RUNX2: variants seen among roughly 807,000 people sequenced by gnomAD.
RUNX2 encodes RUNX family transcription factor 2.
RUNX2 carries 10 observed loss-of-function variants against 51.7 expected under a neutral mutation model. The ratio of observed to expected loss-of-function variants is 0.19; its 90% CI spans 0.12 to 0.33. The LOEUF is 0.33. Among genes scored for constraint, RUNX2 ranks in the 10% least tolerant of loss-of-function variants. The pLI is 1.00. For synonymous variants in RUNX2, 276 were observed against 273.6 expected, an observed-to-expected ratio of 1.01 and a Z score of -0.09; for missense variants, 562 against 691.3, an observed-to-expected ratio of 0.81 and a Z score of 2.10.
chr6:45,329,591 A>G (rs2150071496), intron 2 of RUNX2, among the ~76,000 whole-genome samples: 1 of 152,044 alleles, frequency 6.6e-6, no homozygotes, highest in African/African-American at 2.4e-5. Context: ...TCTTTTAATC[A>G]CATTCTTGGA....
intron 7 of RUNX2, 103 bp downstream of exon 7, chr6:45,512,510 G>C (rs1418475382): frequency 4.0e-6 from 5 of 1,263,464 alleles, no homozygotes; most frequent in Non-Finnish European, 5.7e-6. Flanking sequence ...CTCTCTATTA[G>C]AGGCATGTGG....
chr6:45,495,779 C>CA (rs925630920), intron 6 of RUNX2, among the ~76,000 whole-genome samples: 6 of 152,200 alleles, frequency 3.9e-5, no homozygotes, highest in African/African-American at 1.4e-4. Flanking sequence ...TTGAGGAAGT[C>CA]ATAAGCATTT....
At chr6:45,402,176 AG>A (rs1374457000) in intron 2 of RUNX2, among the ~76,000 whole-genome samples, 2 of 152,224 alleles carry the variant, frequency 1.3e-5, no homozygotes, top group Non-Finnish European at 2.9e-5. Context: ...AAATAATTTA[AG>A]TATTTCTTAC....
At chr6:45,508,876 C>G (rs1801058899) in intron 6 of RUNX2, among the ~76,000 whole-genome samples, 1 of 152,096 alleles carries the variant, frequency 6.6e-6, no homozygotes, top group African/African-American at 2.4e-5. Context: ...ATTATTCACT[C>G]AAGCCACCCT....
intron 5 of RUNX2, among the ~76,000 whole-genome samples, chr6:45,472,082 T>C (rs1351793140): frequency 1.3e-5 from 2 of 152,206 alleles, no homozygotes; most frequent in African/African-American, 2.4e-5. Flanking sequence ...TGTTTGATAG[T>C]AATTCTCATG....
intron 2 of RUNX2, among the ~76,000 whole-genome samples, chr6:45,372,457 G>T (rs1483764426): frequency 6.6e-6 from 1 of 152,052 alleles, no homozygotes; most frequent in Non-Finnish European, 1.5e-5. Flanking sequence ...AGACTAATAT[G>T]AATAAAGTGA....
chr6:45,486,939 T>A (rs1800300851), intron 5 of RUNX2, among the ~76,000 whole-genome samples: 1 of 152,204 alleles, frequency 6.6e-6, no homozygotes, highest in Non-Finnish European at 1.5e-5. Context: ...GTTATAATGG[T>A]AGTATTACTA....
chr6:45,338,145 T>C (rs999531028), intron 2 of RUNX2, among the ~76,000 whole-genome samples: 1 of 152,010 alleles, frequency 6.6e-6, no homozygotes, highest in Non-Finnish European at 1.5e-5. Context: ...TTTCTGTAAG[T>C]TGTACTTTAC....
rs1802420914 is a variant in RUNX2, at chr6:45,547,010, C to A, written c.1271C>A (p.Pro424Gln). Reference sequence around the variant, plus strand: ...ACTCACTACCACACCTACCTGCCACCACCCTACCCCGGCTCTTCCCAAAGC... The same window carrying A: ...ACTCACTACCACACCTACCTGCCACAACCCTACCCCGGCTCTTCCCAAAGC... Reference protein sequence around the residue: ...ATTHYHTYLPPPYPGSSQSQS... With the variant: ...ATTHYHTYLPQPYPGSSQSQS... Residue 424 changes from proline (P) to glutamine (Q), a missense_variant, in exon 9 of 9, where the codon CCA becomes CAA. This residue lies in a region of RUNX2 where 304 missense variants were observed against 353.2 expected (regional missense o/e 0.86). Coordinates refer to ENST00000647337, the MANE Select transcript of RUNX2 (RefSeq NM_001024630.4). The A allele has an allele frequency of 6.2e-7, 1 of 1,614,094 alleles. No individual in the cohort carries two copies. The highest frequency in any genetic ancestry group is 8.5e-7 in the Non-Finnish European group (1 of 1,180,032).
chr6:45,427,700 ATTAGT>A (rs1473778338), intron 3 of RUNX2, among the ~76,000 whole-genome samples: 1 of 152,152 alleles, frequency 6.6e-6, no homozygotes, highest in African/African-American at 2.4e-5. Context: ...AGAGTAATTG[ATTAGT>A]TAAGACTAGA....
intron 5 of RUNX2, among the ~76,000 whole-genome samples, chr6:45,481,324 C>T (rs1017459816): frequency 2.6e-5 from 4 of 152,092 alleles, no homozygotes; most frequent in Admixed American, 6.5e-5. Flanking sequence ...TGTTCAACTA[C>T]GAAAACTGCT....
intron 2 of RUNX2, among the ~76,000 whole-genome samples, chr6:45,342,318 G>A (rs1214239074): frequency 6.6e-6 from 1 of 152,060 alleles, no homozygotes; most frequent in Non-Finnish European, 1.5e-5. Flanking sequence ...CTGGAGTGCA[G>A]TGGCACAATC....
chr6:45,370,815 C>T (rs915823396), intron 2 of RUNX2, among the ~76,000 whole-genome samples: 2 of 152,098 alleles, frequency 1.3e-5, no homozygotes, highest in Non-Finnish European at 2.9e-5. Context: ...TAGACTGCTC[C>T]GAGACACAGG....
chr6:45,492,302 A>C (rs559347875), intron 6 of RUNX2, among the ~76,000 whole-genome samples, 188 bp downstream of exon 6: 1 of 152,222 alleles, frequency 6.6e-6, no homozygotes, highest in Admixed American at 6.5e-5. Context: ...ACTTGGGGAT[A>C]ACATTTTGGG....
intron 7 of RUNX2, among the ~76,000 whole-genome samples, chr6:45,516,818 A>G (rs1024696861): frequency 2.0e-4 from 30 of 152,240 alleles, no homozygotes; most frequent in African/African-American, 6.0e-4. Flanking sequence ...ACAAAATACT[A>G]TGTAAATAAA....
rs776251390 is a variant in RUNX2 at position 45,328,649 on chromosome 6, T to G, written c.-66-12T>G. ...AACTAAAACAAGGTTTGGGTATGGTTTGTATTTTCAGTTTAAGGCTGCAAG... is the reference window on the plus strand; with the variant it reads ...AACTAAAACAAGGTTTGGGTATGGTGTGTATTTTCAGTTTAAGGCTGCAAG... On this transcript the variant is annotated splice_polypyrimidine_tract_variant and intron_variant, in intron 1 of 8. Transcript: ENST00000647337. 8 of 1,610,846 alleles carry G rather than the reference T, an allele frequency of 5.0e-6. 1 individual carries two copies. The South Asian group carries it at 8.8e-5, about 18-fold the overall frequency.
intron 2 of RUNX2, among the ~76,000 whole-genome samples, chr6:45,392,764 G>T (rs74813054): frequency 0.013 from 2,020 of 151,424 alleles, 48 homozygotes; most frequent in African/African-American, 0.046. Context: ...CTAGTCTAAG[G>T]TTTAGTGTCT....
At chr6:45,406,653 G>A (rs923601606) in intron 2 of RUNX2, among the ~76,000 whole-genome samples, 2 of 152,112 alleles carry the variant, frequency 1.3e-5, no homozygotes, top group African/African-American at 4.8e-5. Flanking sequence ...TGATCCGCCC[G>A]CCTTGGCCCC....
intron 6 of RUNX2, among the ~76,000 whole-genome samples, chr6:45,501,638 T>C (rs1188431592): frequency 6.6e-6 from 1 of 152,242 alleles, no homozygotes; most frequent in Non-Finnish European, 1.5e-5. Flanking sequence ...TTTAACTAGC[T>C]ATAAATCACT....
Sources: gnomAD v4.1 joint callset for allele counts (sites outside exome capture counted in the v4.1 genomes callset) on GRCh38, gnomAD v4.1.1 for gene constraint, gnomAD v4.1.1 regional missense constraint, MANE v1.5 for transcripts, NCBI Gene and HGNC (gene_info 2026-07-23, HGNC 2026-07-21) for gene names.